MTUS2: variants seen among roughly 807,000 people sequenced by gnomAD.
MTUS2 encodes the protein microtubule associated scaffold protein 2.
A neutral mutation model predicts 114.1 loss-of-function variants in MTUS2; 40 were observed. That is an observed-to-expected ratio of 0.35 (90% confidence interval 0.27 to 0.46). MTUS2 has a LOEUF of 0.46. Among genes scored for constraint, MTUS2 ranks in the 20% least tolerant of loss-of-function variants. The pLI, the probability that MTUS2 is intolerant of heterozygous loss-of-function variation, is 1.00. For synonymous variants in MTUS2, 688 were observed against 672.0 expected, an observed-to-expected ratio of 1.02 and a Z score of -0.37; for missense variants, 1,679 against 1,705.4, an observed-to-expected ratio of 0.98 and a Z score of 0.27.
rs762859853 is a variant in MTUS2 at position 29,033,900 on chromosome 13, G to A, written c.2221G>A (p.Gly741Arg). Residue 741 changes from glycine (G) to arginine (R), a missense_variant, in exon 4 of 16, where the codon GGA becomes AGA. By Grantham distance (125) the Gly-to-Arg change is moderately radical (BLOSUM62 -2). This residue lies in a region of MTUS2 where 822 missense variants were observed against 899.7 expected (regional missense o/e 0.91). Transcript: ENST00000612955. ...KFLQEVTDHPGKEEFCSPPYA... is the reference protein window; with the variant it reads ...KFLQEVTDHPRKEEFCSPPYA... ...TTTATCATAGGTTACAGACCACCCTGGAAAAGAAGAGTTTTGTTCTCCTCC... is the reference window on the plus strand; with the variant it reads ...TTTATCATAGGTTACAGACCACCCTAGAAAAGAAGAGTTTTGTTCTCCTCC... 1.2e-6 allele frequency: 2 copies of A among 1,613,880 alleles called. No individual in the cohort carries two copies. Among genetic ancestry groups the A allele is most frequent in the Non-Finnish European group, 1.7e-6 (2 of 1,179,866 alleles).
intron 2 of MTUS2, among the ~76,000 whole-genome samples, chr13:29,013,814 T>C (rs1210874269): frequency 1.3e-5 from 2 of 152,216 alleles, no homozygotes; most frequent in African/African-American, 4.8e-5. Flanking sequence ...ATACCTACAT[T>C]GCAGGAAGAC....
intron 6 of MTUS2, among the ~76,000 whole-genome samples, chr13:29,301,296 ATGGCCCTCTTTACACAGCTGCTG>A (rs1386325393): frequency 3.9e-5 from 6 of 152,144 alleles, no homozygotes; most frequent in African/African-American, 1.4e-4. Context: ...TCTGATGGTG[ATGGCCCTCTTTACACAGCTGCTG>A]TGGCCCAGAG....
chr13:29,319,852 C>G (rs34094724), intron 6 of MTUS2, among the ~76,000 whole-genome samples: 61,693 of 151,350 alleles, frequency 0.41, 13,604 homozygotes, highest in African/African-American at 0.6. Context: ...TTCAAGAAAG[C>G]TAAAAAAAAA....
intron 2 of MTUS2, among the ~76,000 whole-genome samples, chr13:28,885,331 T>A (rs1178056319): frequency 6.6e-6 from 1 of 152,168 alleles, no homozygotes; most frequent in Non-Finnish European, 1.5e-5. Context: ...CAGGGGTTAC[T>A]TCTGTGGATA....
At chr13:29,055,857 T>C (rs1888110550) in intron 4 of MTUS2, among the ~76,000 whole-genome samples, 1 of 152,160 alleles carries the variant, frequency 6.6e-6, no homozygotes, top group African/African-American at 2.4e-5. Flanking sequence ...TATGTCTTCT[T>C]TTGAAAAGTA....
chr13:29,272,556 G>T (rs1265553557), intron 5 of MTUS2, among the ~76,000 whole-genome samples: 1 of 152,180 alleles, frequency 6.6e-6, no homozygotes, highest in Non-Finnish European at 1.5e-5. Flanking sequence ...AGTGAAAAGT[G>T]CACTGAATAT....
chr13:29,422,728 A>G lies in MTUS2; in HGVS notation c.3118-17255A>G, dbSNP rs564374251. On this transcript the variant is annotated intron_variant, in intron 8 of 15. Transcript: ENST00000612955. ...GCCTGGGCTGAAGTGTAGTGGCATGATCTCAGCTTACTGCAACCTCTGCCT... is the reference window on the plus strand; with the variant it reads ...GCCTGGGCTGAAGTGTAGTGGCATGGTCTCAGCTTACTGCAACCTCTGCCT... Among the ~76,000 whole-genome samples, 18 of 122,312 alleles carry G rather than the reference A, an allele frequency of 1.5e-4. No individual in the cohort carries two copies. The South Asian group carries it at 4.8e-3, about 32-fold the overall frequency. 80.2% of individuals were successfully genotyped at this position (122,312 alleles called of 152,430 possible).
chr13:29,259,277 G>T (rs1897383790), intron 5 of MTUS2, among the ~76,000 whole-genome samples: 1 of 152,136 alleles, frequency 6.6e-6, no homozygotes, highest in African/African-American at 2.4e-5. Context: ...TGCCTGGGTG[G>T]CTCCCTCATG....
intron 8 of MTUS2, among the ~76,000 whole-genome samples, chr13:29,434,027 A>T (rs4238120): frequency 6.6e-6 from 1 of 152,024 alleles, no homozygotes; most frequent in Non-Finnish European, 1.5e-5. Context: ...TTCCTGATCC[A>T]CACGGATTTC....
chr13:28,890,604 T>C (rs553968291), intron 2 of MTUS2, among the ~76,000 whole-genome samples: 4 of 152,240 alleles, frequency 2.6e-5, no homozygotes, highest in Admixed American at 2.6e-4. Flanking sequence ...GCTAGTCTTC[T>C]TAGTTATATA....
At chr13:29,388,092 G>A (rs78469532) in intron 8 of MTUS2, among the ~76,000 whole-genome samples, 4,262 of 152,080 alleles carry the variant, frequency 0.028, 221 homozygotes, top group African/African-American at 0.098. Context: ...AGCCCAAGAA[G>A]GACTGTCCCC....
intron 2 of MTUS2, among the ~76,000 whole-genome samples, chr13:28,869,937 T>G (rs1877519796): frequency 6.6e-6 from 1 of 152,248 alleles, no homozygotes; most frequent in African/African-American, 2.4e-5. Context: ...AATTTCTTTC[T>G]TTTTTGAATG....
chr13:29,061,475 T>A (rs326524), intron 4 of MTUS2, among the ~76,000 whole-genome samples: 1 of 152,046 alleles, frequency 6.6e-6, no homozygotes, highest in African/African-American at 2.4e-5. Context: ...TGTTAAATTA[T>A]GCATGCAGAT....
In MTUS2 at chr13:29,422,695, T is replaced by G. The variant is rs116733322; in HGVS notation, c.3118-17288T>G. Among the ~76,000 whole-genome samples the G allele has an allele frequency of 7.2e-3, 1,049 of 145,556 alleles. 18 individuals are homozygous for G. Among genetic ancestry groups the G allele is most frequent in the African/African-American group, 0.025 (998 of 39,590 alleles). ...TTTTGAGATGGAATCTGGCCCTGTT[T>G]CTCTGTTGCCTGGGCTGAAGTGTAG... On this transcript the variant is annotated intron_variant, in intron 8 of 15. Transcript: ENST00000612955.
chr13:29,372,545 C>G (rs977999019), intron 8 of MTUS2, among the ~76,000 whole-genome samples: 1 of 152,130 alleles, frequency 6.6e-6, no homozygotes, highest in South Asian at 2.1e-4. Context: ...CACCCATCCA[C>G]AGAAGAACAT....
chr13:29,374,495 G>A (rs1240047651), intron 8 of MTUS2, among the ~76,000 whole-genome samples: 1 of 152,200 alleles, frequency 6.6e-6, no homozygotes, highest in East Asian at 1.9e-4. Context: ...AATGACTGCA[G>A]ATTTCTCATC....
rs753376310 is a variant in MTUS2 at position 29,480,093 on chromosome 13, C to G, written c.3185-57C>G. 1 of 1,515,084 alleles carries G rather than the reference C, an allele frequency of 6.6e-7. No homozygotes were observed. The highest frequency in any genetic ancestry group is 1.2e-5 in the South Asian group (1 of 81,850). The allele number at this position is 1,515,084 out of a possible 1,614,324, so 93.9% of individuals were successfully genotyped here. ...GATGATCTGACCATGGAGGCTGAGT[C>G]CTTCCCATGCCTCCTACGGCCATTT... On this transcript the variant is annotated intron_variant, in intron 9 of 15. Coordinates refer to ENST00000612955, the MANE Select transcript of MTUS2 (RefSeq NM_001033602.4). The surrounding 1 kb of genome is among the most constrained non-coding windows in gnomAD (Gnocchi z 4.4).
chr13:29,267,651 G>T (rs1335617787), intron 5 of MTUS2, among the ~76,000 whole-genome samples: 1 of 152,186 alleles, frequency 6.6e-6, no homozygotes, highest in Non-Finnish European at 1.5e-5. Context: ...CCTTGAAGAT[G>T]GGCTGGGATT....
chr13:28,899,578 T>C (rs1358841197), intron 2 of MTUS2, among the ~76,000 whole-genome samples: 1 of 152,000 alleles, frequency 6.6e-6, no homozygotes, highest in African/African-American at 2.4e-5. Flanking sequence ...CCTGGCTAAT[T>C]TTTTTGAATT....
Sources: allele counts gnomAD v4.1 joint callset (sites outside exome capture counted in the v4.1 genomes callset), GRCh38; gene constraint gnomAD v4.1.1; regional missense constraint gnomAD v4.1.1; non-coding constraint Gnocchi (gnomAD v3.1); transcripts MANE v1.5; gene names NCBI Gene and HGNC (gene_info 2026-07-23, HGNC 2026-07-21).